The following NELL1 variants were observed in gnomAD, a reference collection of about 807,000 sequenced individuals.
The protein encoded by NELL1 is neural EGFL like 1, also known as protein kinase C-binding protein NELL1.
Under a neutral mutation model 107.4 loss-of-function variants are expected in NELL1, and 76 were observed. The observed-to-expected ratio is 0.71, with a 90% CI of 0.59 to 0.86. The LOEUF (loss-of-function observed/expected upper bound fraction) is 0.86. Ranked by LOEUF, NELL1 falls within the 40% of genes least tolerant of loss-of-function variation. The probability of loss-of-function intolerance (pLI) is 0.00; values close to 1 mark genes in which losing one functional copy is unlikely to be tolerated. For missense variants in NELL1, 1,024 were observed against 1,005.5 expected (o/e 1.02, Z -0.25); for synonymous variants, 353 against 341.2 (o/e 1.03, Z -0.38).
In NELL1 at chr11:21,150,034, G is replaced by A. The variant is rs149244188; in HGVS notation, c.1426+36320G>A. On this transcript the variant is annotated intron_variant, in intron 13 of 19. Coordinates refer to ENST00000357134, the MANE Select transcript of NELL1 (RefSeq NM_006157.5). Reference sequence around the variant, plus strand: ...TCTGGAGAACTGGAAAGAAACAGCCGTGCAAAAACCGAGGAGGAGAGTATT... The same window carrying A: ...TCTGGAGAACTGGAAAGAAACAGCCATGCAAAAACCGAGGAGGAGAGTATT... 4.9e-3 allele frequency among the ~76,000 whole-genome samples: 739 copies of A among 152,122 alleles called. 4 individuals are homozygous for A. The highest frequency in any genetic ancestry group is 7.8e-3 in the Non-Finnish European group (528 of 68,006).
intron 15 of NELL1, among the ~76,000 whole-genome samples, chr11:21,431,061 T>C (rs1228967913): frequency 6.6e-6 from 1 of 152,156 alleles, no homozygotes; most frequent in Non-Finnish European, 1.5e-5. Context: ...TTTTTTGACA[T>C]TATGGAGCTA....
intron 13 of NELL1, among the ~76,000 whole-genome samples, chr11:21,119,183 A>G (rs1254259327): frequency 6.6e-6 from 1 of 151,992 alleles, no homozygotes; most frequent in African/African-American, 2.4e-5. Context: ...TGGATGTTTC[A>G]CCCTGTGGTA....
In NELL1 at chr11:21,169,909, C is replaced by T. The variant is rs187264204; in HGVS notation, c.1426+56195C>T. 5.5e-5 allele frequency: 81 copies of T among 1,461,874 alleles called. 1 individual carries two copies. The South Asian group carries it at 6.6e-4, about 12-fold the overall frequency. 90.6% of individuals were successfully genotyped at this position (1,461,874 alleles called of 1,614,324 possible). Reference sequence around the variant, plus strand: ...TGGCAGATGTCCCCAGGTCGTCCACCGATGCCTTTTATGGCAGGAGGAAGT... The same window carrying T: ...TGGCAGATGTCCCCAGGTCGTCCACTGATGCCTTTTATGGCAGGAGGAAGT... On this transcript the variant is annotated intron_variant, in intron 13 of 19. Coordinates refer to ENST00000357134, the MANE Select transcript of NELL1 (RefSeq NM_006157.5).
intron 4 of NELL1, among the ~76,000 whole-genome samples, chr11:20,879,377 G>A (rs1196317310): frequency 1.3e-5 from 2 of 152,190 alleles, no homozygotes; most frequent in East Asian, 3.8e-4. Flanking sequence ...AATGTATAAT[G>A]TAAGGGTAGT....
chr11:20,737,266 G>A (rs1855783851), intron 2 of NELL1, among the ~76,000 whole-genome samples: 2 of 152,056 alleles, frequency 1.3e-5, no homozygotes, highest in South Asian at 4.2e-4. Context: ...TCCCTGGGTA[G>A]AACTGATTAC....
At chr11:21,326,069 TTTTTTTTTTTTTG>T (rs1332856878) in intron 14 of NELL1, among the ~76,000 whole-genome samples, 1,938 of 115,670 alleles carry the variant, frequency 0.017, 36 homozygotes, top group African/African-American at 0.054. Flanking sequence ...TTTTTTTTTT[TTTTTTTTTTTTTG>T]GGCTATTTTG....
intron 3 of NELL1, among the ~76,000 whole-genome samples, chr11:20,815,403 A>G (rs1346093677): frequency 3.3e-5 from 5 of 152,072 alleles, no homozygotes; most frequent in African/African-American, 1.2e-4. Context: ...GCATTTCTCT[A>G]ATGATTAGTG....
chr11:21,351,381 C>T (rs1293858474), intron 14 of NELL1, among the ~76,000 whole-genome samples: 1 of 152,042 alleles, frequency 6.6e-6, no homozygotes, highest in African/African-American at 2.4e-5. Context: ...AGATGGTCAT[C>T]AGGTAATTAC....
chr11:20,879,180 A>G (rs188168232), intron 4 of NELL1, among the ~76,000 whole-genome samples: 258 of 152,188 alleles, frequency 1.7e-3, no homozygotes, highest in East Asian at 0.011. Flanking sequence ...CAGGTGATCT[A>G]GGAAGGCAGG....
chr11:20,783,532 A>G (rs1022647054), intron 2 of NELL1, 148 bp from the exon 3 acceptor site: 26 of 566,994 alleles, frequency 4.6e-5, no homozygotes, highest in Non-Finnish European at 7.5e-5. Flanking sequence ...TGCAATCTGG[A>G]TTCTTTGGAC....
intron 15 of NELL1, among the ~76,000 whole-genome samples, chr11:21,386,687 G>A (rs1851754318): frequency 6.6e-6 from 1 of 152,002 alleles, no homozygotes; most frequent in Admixed American, 6.6e-5. Flanking sequence ...GAAGGGCAAG[G>A]CTGACATTTT....
intron 16 of NELL1, among the ~76,000 whole-genome samples, chr11:21,537,225 C>A (rs890791815): frequency 6.6e-6 from 1 of 152,122 alleles, no homozygotes; most frequent in Admixed American, 6.5e-5. Context: ...CTATGTAAGT[C>A]AGATAATGAC....
intron 15 of NELL1, among the ~76,000 whole-genome samples, chr11:21,377,011 C>A (rs1851496763): frequency 6.6e-6 from 1 of 152,066 alleles, no homozygotes; most frequent in Non-Finnish European, 1.5e-5. Context: ...TTGACTTCTT[C>A]TTTTCCTAAT....
chr11:21,298,106 T>A (rs115910419), intron 14 of NELL1, among the ~76,000 whole-genome samples: 2,308 of 152,118 alleles, frequency 0.015, 59 homozygotes, highest in African/African-American at 0.053. Context: ...ATGGAAAGAT[T>A]TTCAAGATTT....
At chr11:21,133,315 G>A (rs1177590475) in intron 13 of NELL1, among the ~76,000 whole-genome samples, 1 of 152,142 alleles carries the variant, frequency 6.6e-6, no homozygotes, top group Non-Finnish European at 1.5e-5. Flanking sequence ...CCAAGATAAA[G>A]CACCGAAAGT....
chr11:21,086,676 A>C (rs964420743), intron 12 of NELL1, among the ~76,000 whole-genome samples: 1 of 152,118 alleles, frequency 6.6e-6, no homozygotes, highest in African/African-American at 2.4e-5. Context: ...TTAACCCTTT[A>C]TCAACTTTTA....
At chr11:20,834,696 G>A (rs1393695105) in intron 3 of NELL1, among the ~76,000 whole-genome samples, 3 of 132,040 alleles carry the variant, frequency 2.3e-5, no homozygotes, top group South Asian at 2.4e-4. Flanking sequence ...GAGAGACTCC[G>A]TCTCAAAAAA....
intron 12 of NELL1, among the ~76,000 whole-genome samples, chr11:21,059,260 G>GT (rs1240230620): frequency 9.8e-5 from 8 of 81,762 alleles, no homozygotes; most frequent in South Asian, 7.5e-4. Flanking sequence ...AACAAGTTTT[G>GT]TTTTGTTTTT....
At chr11:21,483,069 A>G (rs1854533316) in intron 15 of NELL1, among the ~76,000 whole-genome samples, 1 of 151,856 alleles carries the variant, frequency 6.6e-6, no homozygotes, top group Non-Finnish European at 1.5e-5. Context: ...AGGCCTCTAT[A>G]ATCTTAATAG....
Sources: allele counts gnomAD v4.1 joint callset (sites outside exome capture counted in the v4.1 genomes callset), GRCh38; gene constraint gnomAD v4.1.1; transcripts MANE v1.5; gene names NCBI Gene and HGNC (gene_info 2026-07-23, HGNC 2026-07-21).